Variants in TBC1D5 observed in about 807,000 individuals in gnomAD.
The protein encoded by TBC1D5 is TBC1 domain family member 5.
A neutral mutation model predicts 100.3 loss-of-function variants in TBC1D5; 75 were observed. The ratio of observed to expected loss-of-function variants is 0.75; its 90% CI spans 0.62 to 0.91. TBC1D5 has a LOEUF of 0.91. TBC1D5 is among the 40% of genes least tolerant of loss of function. The probability of loss-of-function intolerance (pLI) is 0.00; values close to 1 mark genes in which losing one functional copy is unlikely to be tolerated. For synonymous variants in TBC1D5, 323 were observed against 325.6 expected (o/e 0.99, Z 0.09); for missense variants, 910 against 942.4 (o/e 0.97, Z 0.45).
chr3:17,472,896 A>G (rs1181279283), intron 3 of TBC1D5, among the ~76,000 whole-genome samples: 2 of 152,236 alleles, frequency 1.3e-5, no homozygotes, highest in African/African-American at 4.8e-5. Flanking sequence ...ATTAACATTA[A>G]TGCCATCAGA....
intron 4 of TBC1D5, among the ~76,000 whole-genome samples, chr3:17,416,966 C>T (rs1405063958): frequency 2.0e-5 from 3 of 152,140 alleles, no homozygotes; most frequent in African/African-American, 2.4e-5. Context: ...GATAAATGGG[C>T]CATGGGATAA....
intron 16 of TBC1D5, among the ~76,000 whole-genome samples, chr3:17,256,134 T>G (rs1215664069): frequency 2.6e-5 from 4 of 152,142 alleles, no homozygotes; most frequent in Non-Finnish European, 5.9e-5. Context: ...GCATTTTTAT[T>G]TTTATGTTTG....
chr3:17,574,969 A>G (rs1184596280), intron 2 of TBC1D5, among the ~76,000 whole-genome samples: 1 of 152,076 alleles, frequency 6.6e-6, no homozygotes, highest in East Asian at 1.9e-4. Context: ...AAAGACAGAA[A>G]TATTTAAACA....
Position 17,404,465 on chromosome 3 carries a change from C to T in TBC1D5, c.441+229G>A, listed in dbSNP as rs1214289107. On this transcript the variant is annotated intron_variant, in intron 7 of 21. Coordinates refer to ENST00000253692, the Ensembl canonical transcript of TBC1D5. ...TTTACCCTTAGTTCTTACAGAATCC[C>T]GAGATTTCTTGGTACTGCCATTCCA... Among the ~76,000 whole-genome samples, 10 of 151,880 alleles carry T rather than the reference C, an allele frequency of 6.6e-5. No individual in the cohort carries two copies. In the South Asian group the frequency reaches 1.2e-3, roughly 19 times the overall value.
chr3:17,412,512 G>A (rs570795769), intron 4 of TBC1D5, among the ~76,000 whole-genome samples: 1 of 151,972 alleles, frequency 6.6e-6, no homozygotes, highest in African/African-American at 2.4e-5. Context: ...TGAAGTTGGA[G>A]GAAGACATGA....
Position 17,444,562 on chromosome 3 carries a change from T to C in TBC1D5, c.98-16043A>G, listed in dbSNP as rs529614096. Among the ~76,000 whole-genome samples the C allele has an allele frequency of 5.3e-5, 8 of 152,190 alleles. No homozygotes were observed. In the East Asian group the frequency reaches 1.5e-3, roughly 29 times the overall value. The stretch of plus-strand genomic sequence containing the variant: ...CTGTTCTAAATAACACTATGATAAA[T>C]ACCTTTGTGCACAAATCCTTCCATG... On this transcript the variant is annotated intron_variant, in intron 3 of 21. Transcript: ENST00000253692.
intron 15 of TBC1D5, among the ~76,000 whole-genome samples, chr3:17,262,774 C>T (rs1293521243): frequency 2.0e-5 from 3 of 152,034 alleles, no homozygotes; most frequent in Non-Finnish European, 4.4e-5. Flanking sequence ...AGCCACCACA[C>T]CCGGCCGACA....
chr3:17,606,801 A>G (rs1356705829), intron 2 of TBC1D5, among the ~76,000 whole-genome samples: 1 of 152,180 alleles, frequency 6.6e-6, no homozygotes. Flanking sequence ...CAACAACAAC[A>G]ACAAATAACC....
chr3:17,594,866 T>C lies in TBC1D5; in HGVS notation c.-36+28983A>G, dbSNP rs1203055517. 7.2e-5 allele frequency among the ~76,000 whole-genome samples: 11 copies of C among 151,924 alleles called. No individual in the cohort carries two copies. The South Asian group carries it at 2.3e-3, about 32-fold the overall frequency. On this transcript the variant is annotated intron_variant, in intron 2 of 21. Transcript: ENST00000253692. ...TGGACGTGTGATGGTTAATACGGAG[T>C]GTCAACTTGATTAAAATGAAGGATA...
At chr3:17,347,878 C>T (rs530850629) in intron 13 of TBC1D5, among the ~76,000 whole-genome samples, 1 of 152,208 alleles carries the variant, frequency 6.6e-6, no homozygotes, top group African/African-American at 2.4e-5. Flanking sequence ...AGACACATCC[C>T]TGTAATTCTT....
chr3:17,699,218 A>C (rs2072709564), intron 1 of TBC1D5, among the ~76,000 whole-genome samples: 1 of 124,610 alleles, frequency 8.0e-6, no homozygotes, highest in Admixed American at 8.7e-5. Flanking sequence ...CAGCCATAAA[A>C]AATGATGAGT....
At chr3:17,196,072 C>CAGTAAACGTT (rs1381258390) in intron 18 of TBC1D5, among the ~76,000 whole-genome samples, 1 of 152,184 alleles carries the variant, frequency 6.6e-6, no homozygotes, top group Non-Finnish European at 1.5e-5. Flanking sequence ...TATTCCTAAA[C>CAGTAAACGTT]GTTTACTGAG....
chr3:17,591,826 T>C (rs903626587), intron 2 of TBC1D5, among the ~76,000 whole-genome samples: 2 of 152,146 alleles, frequency 1.3e-5, no homozygotes, highest in East Asian at 1.9e-4. Context: ...AAAAATAATA[T>C]TGAATCCTTG....
At chr3:17,287,887 T>C (rs1170550718) in intron 15 of TBC1D5, among the ~76,000 whole-genome samples, 2 of 152,206 alleles carry the variant, frequency 1.3e-5, no homozygotes, top group Non-Finnish European at 2.9e-5. Flanking sequence ...CTTGTTTGAT[T>C]TTATTGAACC....
At chr3:17,691,549 T>C (rs2153830025) in intron 1 of TBC1D5, among the ~76,000 whole-genome samples, 2 of 152,276 alleles carry the variant, frequency 1.3e-5, no homozygotes, top group South Asian at 4.1e-4. Flanking sequence ...CCGGGCGCCG[T>C]GGCTCATACT....
intron 3 of TBC1D5, among the ~76,000 whole-genome samples, chr3:17,468,767 C>T (rs1199792823): frequency 6.6e-6 from 1 of 152,150 alleles, no homozygotes; most frequent in African/African-American, 2.4e-5. Flanking sequence ...TTTGAAACTG[C>T]AGGCTGTTTC....
At chr3:17,583,190 T>A (rs2153539987) in intron 2 of TBC1D5, among the ~76,000 whole-genome samples, 1 of 151,910 alleles carries the variant, frequency 6.6e-6, no homozygotes, top group South Asian at 2.1e-4. Flanking sequence ...GACGCTGAGG[T>A]AAGAGGATTG....
intron 18 of TBC1D5, among the ~76,000 whole-genome samples, chr3:17,187,708 A>G (rs1042380891): frequency 5.3e-5 from 8 of 152,208 alleles, no homozygotes; most frequent in African/African-American, 9.6e-5. Context: ...GTCCTCCCCA[A>G]TGAGCGGAGT....
intron 1 of TBC1D5, among the ~76,000 whole-genome samples, chr3:17,686,055 G>A (rs2070229959): frequency 6.6e-6 from 1 of 152,072 alleles, no homozygotes; most frequent in African/African-American, 2.4e-5. Flanking sequence ...TCTCTATTGG[G>A]GCTGACACAC....
Sources: gnomAD v4.1 joint callset for allele counts (sites outside exome capture counted in the v4.1 genomes callset) on GRCh38, gnomAD v4.1.1 for gene constraint, MANE v1.5 for transcripts, NCBI Gene and HGNC (gene_info 2026-07-23, HGNC 2026-07-21) for gene names.